The following PLEKHO1 variants were observed in gnomAD, a reference collection of about 807,000 sequenced individuals.
The protein encoded by PLEKHO1 is pleckstrin homology domain containing O1.
PLEKHO1 carries 22 observed loss-of-function variants against 41.4 expected under a neutral mutation model. The observed-to-expected ratio is 0.53, with a 90% confidence interval of 0.38 to 0.76. The LOEUF is 0.76. PLEKHO1 is among the 30% of genes least tolerant of loss of function. The probability of loss-of-function intolerance (pLI) is 0.00; values close to 1 mark genes in which losing one functional copy is unlikely to be tolerated. For synonymous variants in PLEKHO1, 225 were observed against 210.8 expected, an observed-to-expected ratio of 1.07 and a Z score of -0.58; for missense variants, 488 against 518.3, an observed-to-expected ratio of 0.94 and a Z score of 0.57.
chr1:150,151,798 A>G (rs1206433771), intron 2 of PLEKHO1, among the ~76,000 whole-genome samples: 1 of 152,178 alleles, frequency 6.6e-6, no homozygotes, highest in Non-Finnish European at 1.5e-5. Flanking sequence ...CTGTGTCAAG[A>G]CCTGAGCTAT....
chr1:150,150,935 G>C lies in PLEKHO1; in HGVS notation c.54G>C (p.Gln18His), dbSNP rs782352090. 6.2e-7 allele frequency: 1 copy of C among 1,614,140 alleles called. No individual in the cohort carries two copies. The highest frequency in any genetic ancestry group is 8.5e-7 in the Non-Finnish European group (1 of 1,179,938). Residue 18 changes from glutamine to histidine, a missense_variant, in exon 2 of 6, where the codon CAG becomes CAC. Gln to His is a conservative substitution (Grantham distance 24, BLOSUM62 0). Around this residue, in one of 3 missense-constraint regions of PLEKHO1, gnomAD observed 92 missense variants for 82.3 expected, o/e 1.12. Transcript: ENST00000369124. ...AKRGPQDGNQ[Q>H]PAPPEKVGWV... ...AGGGACCTCAGGATGGAAACCAGCA[G>C]CCTGCACCGCCCGAGAAGGTCGGCT... is the stretch of plus-strand genomic sequence containing the variant.
At position 150,150,291 on chromosome 1, in the gene PLEKHO1, A is replaced by G. The variant is rs1553818345; in HGVS notation, c.30+4A>G. ...GAAGAACAATTCCGCCAAGCGGGTG[A>G]GTGCGCTTGCCCGCCCTGCGGCCGC... On this transcript the variant is annotated splice_donor_region_variant and intron_variant, in intron 1 of 5. Coordinates refer to ENST00000369124, the MANE Select transcript of PLEKHO1 (RefSeq NM_016274.6). The G allele has an allele frequency of 9.0e-7, 1 of 1,108,484 alleles. No individual in the cohort carries two copies. The highest frequency in any genetic ancestry group is 1.1e-6 in the Non-Finnish European group (1 of 900,662). The allele number at this position is 1,108,484 out of a possible 1,614,324, so 68.7% of individuals were successfully genotyped here. A position where few individuals can be genotyped will look rare whatever the true frequency, so the allele number is the denominator to read the frequency against.
intron 1 of PLEKHO1, chr1:150,150,549 G>A (rs142468019): frequency 0.019 from 3,198 of 169,336 alleles, 112 homozygotes; most frequent in African/African-American, 0.072. Flanking sequence ...TTTGCCTCGC[G>A]CTCCGCCGTG....
intron 2 of PLEKHO1, among the ~76,000 whole-genome samples, chr1:150,152,208 A>G (rs1306688866): frequency 6.6e-6 from 1 of 152,218 alleles, no homozygotes; most frequent in African/African-American, 2.4e-5. Context: ...TGAGGCATCT[A>G]GGGAAGAACT....
Position 150,159,482 on chromosome 1 carries a change from C to G in PLEKHO1, c.1189C>G (p.Gln397Glu). ...GCAGACCCCGGACTCCCACCTCAGA[C>G]AGACCACCCCGCACAGTCAGTACCG... ...DLQTPDSHLRQTTPHSQYRKS... is the reference protein window; with the variant it reads ...DLQTPDSHLRETTPHSQYRKS... The change falls in exon 6 of 6, where the codon CAG becomes GAG. Residue 397 changes from glutamine to glutamate, a missense_variant. Gln to Glu is a conservative substitution (Grantham distance 29). This residue lies in a region of PLEKHO1 where 337 missense variants were observed against 324.6 expected (regional missense o/e 1.04). Coordinates refer to ENST00000369124, the MANE Select transcript of PLEKHO1 (RefSeq NM_016274.6). 6.2e-7 allele frequency: 1 copy of G among 1,613,418 alleles called. No individual in the cohort carries two copies.
intron 2 of PLEKHO1, chr1:150,153,790 G>A (rs1242642224): frequency 6.6e-6 from 1 of 152,164 alleles, no homozygotes; most frequent in African/African-American, 2.4e-5. Context: ...TTGGATTCGG[G>A]GCAACTCTTT....
Position 150,159,219 on chromosome 1 carries a change from A to G in PLEKHO1, c.926A>G (p.Gln309Arg), listed in dbSNP as rs782398274. The change falls in exon 6 of 6, where the codon CAG becomes CGG. Residue 309 changes from glutamine to arginine, a missense_variant. Coordinates refer to ENST00000369124, the MANE Select transcript of PLEKHO1 (RefSeq NM_016274.6). ...LPNPGQLSRI[Q>R]DLVARKLEET... ...AACCCGGGGCAGCTGTCCCGGATCC[A>G]GGACCTGGTAGCAAGGAAACTGGAG... 2 of 1,614,006 alleles carry G rather than the reference A, an allele frequency of 1.2e-6. No homozygotes were observed. The highest frequency in any genetic ancestry group is 1.7e-6 in the Non-Finnish European group (2 of 1,179,996).
At position 150,158,872 on chromosome 1, in the gene PLEKHO1, A is replaced by G. The variant is rs782186859; in HGVS notation, c.579A>G (p.Glu193=). Residue 193 remains glutamate, a synonymous_variant, in exon 6 of 6, where the codon GAA becomes GAG. Transcript: ENST00000369124. ...GMLTLDLIQE[E]DPSPEEPTSC... Reference sequence around the variant, plus strand: ...TGACCTTGGACTTGATCCAAGAGGAAGACCCTTCCCCTGAGGAACCAACCT... The same window carrying G: ...TGACCTTGGACTTGATCCAAGAGGAGGACCCTTCCCCTGAGGAACCAACCT... 2 of 1,613,756 alleles carry G rather than the reference A, an allele frequency of 1.2e-6. No individual in the cohort carries two copies.
chr1:150,158,118 C>G (rs1252253759), intron 5 of PLEKHO1, among the ~76,000 whole-genome samples: 1 of 152,094 alleles, frequency 6.6e-6, no homozygotes, highest in Admixed American at 6.6e-5. Flanking sequence ...AATAAGAGAA[C>G]AAATTTTATT....
intron 1 of PLEKHO1, 33 bp downstream of exon 1, chr1:150,150,320 C>T (rs1352933414): frequency 3.9e-6 from 4 of 1,033,924 alleles, no homozygotes; most frequent in Non-Finnish European, 3.5e-6. Flanking sequence ...CGGCCGCCGC[C>T]GCCTCCGCGC....
chr1:150,152,468 GT>G (rs1312593656), intron 2 of PLEKHO1, among the ~76,000 whole-genome samples: 1 of 151,890 alleles, frequency 6.6e-6, no homozygotes, highest in African/African-American at 2.4e-5. Context: ...TGTCTGGCTA[GT>G]TTTTGTATTT....
intron 2 of PLEKHO1, chr1:150,155,764 G>C (rs1660139642): frequency 3.7e-6 from 1 of 273,224 alleles, no homozygotes; most frequent in Non-Finnish European, 6.9e-6. Flanking sequence ...TGTCCTTAAG[G>C]AAAAGAGTGG....
At chr1:150,156,751 A>G (rs1553820495) in intron 3 of PLEKHO1, among the ~76,000 whole-genome samples, 160 bp from the exon 4 acceptor site, 1 of 152,236 alleles carries the variant, frequency 6.6e-6, no homozygotes. Context: ...CAGGAATAGA[A>G]GCTGGGTTTC....
At chr1:150,158,087 C>T (rs1660253490) in intron 5 of PLEKHO1, among the ~76,000 whole-genome samples, 1 of 152,148 alleles carries the variant, frequency 6.6e-6, no homozygotes, top group South Asian at 2.1e-4. Flanking sequence ...ATTGAATACT[C>T]ATCATTTTTA....
rs1226101260 is a variant in PLEKHO1 at position 150,159,437 on chromosome 1, C to G, written c.1144C>G (p.Leu382Val). 1.9e-6 allele frequency: 3 copies of G among 1,613,946 alleles called. No homozygotes were observed. Among genetic ancestry groups the G allele is most frequent in the African/African-American group, 2.7e-5 (2 of 74,902 alleles). The change falls in exon 6 of 6, where the codon CTG (leucine) becomes GTG (valine). Residue 382 changes from leucine to valine, a missense_variant. Leu to Val is a conservative substitution (Grantham distance 32). Coordinates refer to ENST00000369124, the MANE Select transcript of PLEKHO1 (RefSeq NM_016274.6). ...VLQEVRELRDLYRQMDLQTPD... is the reference protein window; with the variant it reads ...VLQEVRELRDVYRQMDLQTPD... ...GCAGGAGGTCAGGGAGCTGAGAGAC[C>G]TGTACAGACAGATGGACCTGCAGAC...
Position 150,159,735 on chromosome 1 carries a change from G to A in PLEKHO1, c.*212G>A. 4.2e-6 allele frequency: 2 copies of A among 480,676 alleles called. No homozygotes were observed. Among genetic ancestry groups the A allele is most frequent in the Non-Finnish European group, 7.5e-6 (2 of 268,350 alleles). The allele number at this position is 480,676 out of a possible 1,614,324, so 29.8% of individuals were successfully genotyped here. A position where few individuals can be genotyped will look rare whatever the true frequency, so the allele number is the denominator to read the frequency against. On this transcript the variant is annotated 3_prime_UTR_variant, in exon 6 of 6. Transcript: ENST00000369124. ...TCAGGTTTGAGGAAGTGACCCCGCA[G>A]CAGTAGCAGGAAGTTTTTACCCAGC... is the stretch of plus-strand genomic sequence containing the variant.
At chr1:150,150,797 C>T in intron 1 of PLEKHO1, 115 bp from the exon 2 acceptor site, 2 of 967,606 alleles carry the variant, frequency 2.1e-6, no homozygotes, top group Non-Finnish European at 3.1e-6. Context: ...CCCCCGCCCC[C>T]CGGCCGCAGC....
upstream of PLEKHO1, chr1:150,149,720 G>C (rs1425986379): frequency 1.3e-5 from 2 of 150,126 alleles, no homozygotes; most frequent in Non-Finnish European, 3.0e-5. Context: ...AGCCGCCGCC[G>C]GAGCGAGGGT....
intron 2 of PLEKHO1, chr1:150,154,243 G>C (rs1389371612): frequency 6.6e-6 from 1 of 152,310 alleles, no homozygotes; most frequent in Admixed American, 6.5e-5. Context: ...GGGGAGAGGA[G>C]GGATGATGCA....
Sources: allele counts gnomAD v4.1 joint callset (sites outside exome capture counted in the v4.1 genomes callset), GRCh38; gene constraint gnomAD v4.1.1; regional missense constraint gnomAD v4.1.1; transcripts MANE v1.5; gene names NCBI Gene and HGNC (gene_info 2026-07-23, HGNC 2026-07-21).